PPRC1: variants seen among roughly 807,000 people sequenced by gnomAD.
The protein encoded by PPRC1 is peroxisome proliferator-activated receptor gamma coactivator-related protein 1.
PPRC1 carries 23 observed loss-of-function variants against 132.5 expected under a neutral mutation model. That is an observed-to-expected ratio of 0.17 (90% CI 0.12 to 0.25). The LOEUF is 0.25. Ranked by LOEUF, PPRC1 falls within the 10% of genes least tolerant of loss-of-function variation. The pLI, the probability that PPRC1 is intolerant of heterozygous loss-of-function variation, is 1.00. For synonymous variants in PPRC1, 872 were observed against 833.5 expected, an observed-to-expected ratio of 1.05 and a Z score of -0.80; for missense variants, 2,006 against 2,089.1, an observed-to-expected ratio of 0.96 and a Z score of 0.78.
chr10:102,141,910 T>C lies in PPRC1; in HGVS notation c.3402T>C (p.Ala1134=), dbSNP rs1407434829. 1.2e-6 allele frequency: 2 copies of C among 1,614,178 alleles called. No homozygotes were observed. The highest frequency in any genetic ancestry group is 2.2e-5 in the South Asian group (2 of 91,084). Residue 1134 remains alanine, a synonymous_variant, in exon 5 of 14, where the codon GCT becomes GCC. Coordinates refer to ENST00000278070, the MANE Select transcript of PPRC1 (RefSeq NM_015062.5). ...PRQSTVPKLP[A]VHPARLRKLS... is the part of the protein sequence containing the mutation. Reference sequence around the variant, plus strand: ...AGAGCACTGTCCCCAAGCTGCCTGCTGTCCACCCAGCCCGTCTAAGGAAGC... The same window carrying C: ...AGAGCACTGTCCCCAAGCTGCCTGCCGTCCACCCAGCCCGTCTAAGGAAGC...
At chr10:102,121,037 ACTC>A in the PPRC1 span, among the ~76,000 whole-genome samples, 5 of 150,956 alleles carry the variant, frequency 3.3e-5, no homozygotes, top group African/African-American at 7.3e-5. Context: ...TAAATTAACC[ACTC>A]CTCCTTTGCC....
At chr10:102,123,334 G>T in the PPRC1 span, among the ~76,000 whole-genome samples, 7 of 152,056 alleles carry the variant, frequency 4.6e-5, no homozygotes, top group Non-Finnish European at 8.8e-5. Context: ...AAAATGGGAA[G>T]AGAGGTCACA....
Position 102,142,013 on chromosome 10 carries a change from C to T in PPRC1, c.3496+9C>T, listed in dbSNP as rs1329467604. On this transcript the variant is annotated intron_variant, in intron 5 of 13. Transcript: ENST00000278070. Reference sequence around the variant, plus strand: ...TTTCATCAGTGAGATTGGTGAGTGACACACAGTTCCCCCATGTAGTCCCCA... The same window carrying T: ...TTTCATCAGTGAGATTGGTGAGTGATACACAGTTCCCCCATGTAGTCCCCA... The T allele has an allele frequency of 1.3e-6, 2 of 1,596,160 alleles. No homozygotes were observed. Among genetic ancestry groups the T allele is most frequent in the African/African-American group, 1.3e-5 (1 of 74,702 alleles).
chr10:102,140,782 A>G lies in PPRC1; in HGVS notation c.2274A>G (p.Arg758=). 1 of 1,613,914 alleles carries G rather than the reference A, an allele frequency of 6.2e-7. No homozygotes were observed. The highest frequency in any genetic ancestry group is 8.5e-7 in the Non-Finnish European group (1 of 1,179,992). The change falls in exon 5 of 14, where the codon CGA becomes CGG. Residue 758 remains arginine (R), a synonymous_variant. Coordinates refer to ENST00000278070, the MANE Select transcript of PPRC1 (RefSeq NM_015062.5). ...PRPLSLSEYR[R]RRQQRQAETE... ...CTCTCAGCTTATCTGAGTACCGGCGACGAAGGCAGCAACGCCAAGCAGAAA... is the reference window on the plus strand; with the variant it reads ...CTCTCAGCTTATCTGAGTACCGGCGGCGAAGGCAGCAACGCCAAGCAGAAA...
intron 13 of PPRC1, 74 bp from the exon 14 acceptor site, chr10:102,149,852 A>G: frequency 8.7e-7 from 1 of 1,144,370 alleles, no homozygotes; most frequent in East Asian, 2.4e-5. Context: ...GGGATGGGAG[A>G]TAGCTAGCCA....
chr10:102,140,989 T>G lies in PPRC1; in HGVS notation c.2481T>G (p.Ala827=). The G allele has an allele frequency of 6.2e-7, 1 of 1,614,122 alleles. No homozygotes were observed. Among genetic ancestry groups the G allele is most frequent in the Non-Finnish European group, 8.5e-7 (1 of 1,180,020 alleles). Residue 827 remains alanine, a synonymous_variant, in exon 5 of 14, where the codon GCT becomes GCG. Transcript: ENST00000278070. ...ICLVPVGPSP[A]SPSPEPPVSK... ...TTGTGCCTGTAGGTCCCAGCCCTGC[T>G]TCTCCTAGTCCTGAGCCACCTGTAA...
At chr10:102,125,996 G>A in the PPRC1 span, among the ~76,000 whole-genome samples, 1 of 151,962 alleles carries the variant, frequency 6.6e-6, no homozygotes, top group Non-Finnish European at 1.5e-5. Flanking sequence ...CCAAGTAGCT[G>A]GGACTACAGG....
Position 102,147,255 on chromosome 10 carries a change from C to T in PPRC1, c.4263C>T (p.Gly1421=), listed in dbSNP as rs1474167345. 6.2e-7 allele frequency: 1 copy of T among 1,612,972 alleles called. No homozygotes were observed. The highest frequency in any genetic ancestry group is 1.7e-5 in the Admixed American group (1 of 60,032). ...GCCCCTCAAGCCAGGGCTGGCAGGG[C>T]CGCCGAGGCCGCAACAGCCGTTCTG... The part of the protein sequence containing the change: ...SASPSSQGWQ[G]RRGRNSRSVS... Residue 1421 remains glycine, a synonymous_variant, in exon 9 of 14, where the codon GGC becomes GGT. Coordinates refer to ENST00000278070, the MANE Select transcript of PPRC1 (RefSeq NM_015062.5).
intron 7 of PPRC1, 48 bp downstream of exon 7, chr10:102,144,355 G>A (rs757220598): frequency 2.5e-6 from 4 of 1,569,588 alleles, no homozygotes; most frequent in Non-Finnish European, 3.5e-6. Flanking sequence ...TTAGTCAGCA[G>A]CCGGCTGACA....
At position 102,147,409 on chromosome 10, in the gene PPRC1, C is replaced by T; in HGVS notation, c.4400+17C>T. 2 of 1,584,496 alleles carry T rather than the reference C, an allele frequency of 1.3e-6. No individual in the cohort carries two copies. Among genetic ancestry groups the T allele is most frequent in the South Asian group, 2.2e-5 (2 of 89,732 alleles). On this transcript the variant is annotated intron_variant, in intron 9 of 13. Transcript: ENST00000278070. ...GTGGCGAAGGTGAGCTTTGATGGCC[C>T]TGTAGGTCCTCTCCATTTAGGAAGT...
Position 102,146,698 on chromosome 10 carries a change from C to T in PPRC1, c.3706C>T (p.His1236Tyr), listed in dbSNP as rs995886463. The T allele has an allele frequency of 1.2e-6, 2 of 1,612,822 alleles. No individual in the cohort carries two copies. The highest frequency in any genetic ancestry group is 1.3e-5 in the African/African-American group (1 of 74,974). ...GCTCACCCCTCCAGCTACCCCTCCC[C>T]ACCAGTTATGGAAGCCCCTGGCTGC... ...AGLTPPATPP[H>Y]QLWKPLAAVS... Residue 1236 changes from histidine (H) to tyrosine (Y), a missense_variant, in exon 9 of 14, where the codon CAC becomes TAC. His to Tyr is a moderately conservative substitution (Grantham distance 83). Transcript: ENST00000278070.
chr10:102,135,063 C>T (rs1035322659), intron 1 of PPRC1, among the ~76,000 whole-genome samples: 1 of 152,130 alleles, frequency 6.6e-6, no homozygotes, highest in African/African-American at 2.4e-5. Flanking sequence ...GTCTTTATCC[C>T]TCAGGATCTA....
chr10:102,146,786 C>A lies in PPRC1; in HGVS notation c.3794C>A (p.Pro1265His), dbSNP rs1181696302. Residue 1265 changes from proline (P) to histidine (H), a missense_variant, in exon 9 of 14, where the codon CCT becomes CAT. Physicochemically the swap from Pro to His is moderately conservative, Grantham distance 77. Transcript: ENST00000278070. ...ACCGCCCAGGAGGGAACCCTGAAGC[C>A]TGAAGGAGTTACGGAGGCCAAACAT... ...KSTAQEGTLK[P>H]EGVTEAKHPA... 6.2e-7 allele frequency: 1 copy of A among 1,614,112 alleles called. No individual in the cohort carries two copies.
the PPRC1 span, among the ~76,000 whole-genome samples, chr10:102,123,833 C>CTTTTTT: frequency 8.9e-4 from 61 of 68,276 alleles, 1 homozygote; most frequent in East Asian, 2.4e-3. Context: ...CACGCCCGGC[C>CTTTTTT]TTTTTTTTTT....
the PPRC1 span, among the ~76,000 whole-genome samples, chr10:102,127,647 C>T: frequency 6.6e-6 from 1 of 152,142 alleles, no homozygotes; most frequent in African/African-American, 2.4e-5. Flanking sequence ...ACCTTGTGAT[C>T]CACCTGCCTC....
intron 7 of PPRC1, 184 bp from the exon 8 acceptor site, chr10:102,144,836 C>T (rs1376375563): frequency 3.4e-6 from 2 of 596,666 alleles, no homozygotes; most frequent in African/African-American, 3.7e-5. Flanking sequence ...GGGCAGGGCT[C>T]AGTTGAGATC....
rs907881396 is a variant in PPRC1 at position 102,140,970 on chromosome 10, C to T, written c.2462C>T (p.Pro821Leu). Residue 821 changes from proline to leucine, a missense_variant, in exon 5 of 14, where the codon CCT becomes CTT. Around this residue, in one of 2 missense-constraint regions of PPRC1, gnomAD observed 1,914 missense variants for 1,917.2 expected, o/e 1.00. Transcript: ENST00000278070. The stretch of plus-strand genomic sequence containing the variant: ...ACACCCCTTGAGATTTGCCTTGTGC[C>T]TGTAGGTCCCAGCCCTGCTTCTCCT... The part of the protein sequence containing the change: ...PETPLEICLV[P>L]VGPSPASPSP... The T allele has an allele frequency of 1.2e-6, 2 of 1,614,052 alleles. No homozygotes were observed. The highest frequency in any genetic ancestry group is 1.7e-6 in the Non-Finnish European group (2 of 1,180,016).
chr10:102,121,091 G>C, the PPRC1 span, among the ~76,000 whole-genome samples: 1 of 152,154 alleles, frequency 6.6e-6, no homozygotes, highest in South Asian at 2.1e-4. Context: ...GGTTAATTAA[G>C]TGGGGTCCCC....
chr10:102,148,228 A>G lies in PPRC1; in HGVS notation c.4401-144A>G, dbSNP rs1298214406. 2 of 917,516 alleles carry G rather than the reference A, an allele frequency of 2.2e-6. No individual in the cohort carries two copies. The highest frequency in any genetic ancestry group is 3.3e-6 in the Non-Finnish European group (2 of 605,522). 56.8% of individuals were successfully genotyped at this position (917,516 alleles called of 1,614,324 possible). ...CCTCAGTTTGTTCATCTCTGAATGA[A>G]AATTGTTCTTCTAGACCTCTTCTAC... On this transcript the variant is annotated intron_variant, in intron 9 of 13. Transcript: ENST00000278070. This position sits in a 1 kb window ranked among gnomAD's most constrained non-coding sequence, Gnocchi z 4.2.
Sources: gnomAD v4.1 joint callset for allele counts (sites outside exome capture counted in the v4.1 genomes callset) on GRCh38, gnomAD v4.1.1 for gene constraint, gnomAD v4.1.1 regional missense constraint, Gnocchi (gnomAD v3.1) non-coding constraint, MANE v1.5 for transcripts, NCBI Gene and HGNC (gene_info 2026-07-23, HGNC 2026-07-21) for gene names.